NFATC1: variants seen among roughly 807,000 people sequenced by gnomAD.
NFATC1 encodes nuclear factor of activated T cells 1.
Under a neutral mutation model 76.0 loss-of-function variants are expected in NFATC1, and 22 were observed. The observed-to-expected ratio is 0.29, with a 90% CI of 0.21 to 0.41. The LOEUF (loss-of-function observed/expected upper bound fraction) is 0.41, where lower values mean the gene tolerates loss of function less well. Among genes scored for constraint, NFATC1 ranks in the 10% least tolerant of loss-of-function variants. NFATC1 has a pLI of 1.00. For missense variants in NFATC1, 1,357 were observed against 1,337.7 expected, an observed-to-expected ratio of 1.01 and a Z score of -0.23; for synonymous variants, 704 against 613.1, an observed-to-expected ratio of 1.15 and a Z score of -2.19.
chr18:79,446,842 C>G (rs1337677706), intron 3 of NFATC1, among the ~76,000 whole-genome samples: 2 of 152,228 alleles, frequency 1.3e-5, no homozygotes, highest in Non-Finnish European at 2.9e-5. Context: ...GCTGTGTCCT[C>G]ATCCCTGTCT....
chr18:79,435,343 GGTTT>G (rs1316636971), intron 3 of NFATC1, among the ~76,000 whole-genome samples: 10 of 150,478 alleles, frequency 6.6e-5, no homozygotes, highest in East Asian at 3.9e-4. Context: ...TTTGTTTTTT[GGTTT>G]GTTTGTTTTT....
At chr18:79,407,264 G>A (rs930817418) in intron 1 of NFATC1, among the ~76,000 whole-genome samples, 2 of 152,226 alleles carry the variant, frequency 1.3e-5, no homozygotes, top group Non-Finnish European at 2.9e-5. Context: ...CACAGTGGAT[G>A]CCAGTGAACA....
chr18:79,519,866 C>T (rs1198592727), intron 9 of NFATC1, among the ~76,000 whole-genome samples: 1 of 152,138 alleles, frequency 6.6e-6, no homozygotes, highest in East Asian at 1.9e-4. Context: ...ATTCAGAGGC[C>T]CTGTTAGTCA....
intron 2 of NFATC1, among the ~76,000 whole-genome samples, chr18:79,432,236 A>T (rs771238328): frequency 2.3e-4 from 35 of 152,162 alleles, no homozygotes; most frequent in Non-Finnish European, 4.7e-4. Flanking sequence ...AGTCCTGGCC[A>T]GAGGGGCTGG....
At chr18:79,406,171 G>A (rs1263213860) in intron 1 of NFATC1, among the ~76,000 whole-genome samples, 1 of 152,208 alleles carries the variant, frequency 6.6e-6, no homozygotes, top group Non-Finnish European at 1.5e-5. Context: ...TAATTGCTAG[G>A]GTTTTAAAAA....
intron 3 of NFATC1, among the ~76,000 whole-genome samples, chr18:79,443,542 C>T (rs915658314): frequency 3.9e-5 from 6 of 152,296 alleles, no homozygotes; most frequent in African/African-American, 7.2e-5. Flanking sequence ...TCCCAGTCGG[C>T]GCCCGTGCAT....
At chr18:79,428,763 G>C (rs147566649) in intron 2 of NFATC1, among the ~76,000 whole-genome samples, 2,387 of 152,262 alleles carry the variant, frequency 0.016, 71 homozygotes, top group African/African-American at 0.054. Context: ...GATCCCTTGA[G>C]CCCAGGAGTT....
Position 79,448,814 on chromosome 18 carries a change from G to T in NFATC1, c.1419G>T (p.Met473Ile). ...GCTACTTGGAGAATGAGCCGCTGATGCTGCAGCTTTTCATTGGGACGGCGG... is the reference window on the plus strand; with the variant it reads ...GCTACTTGGAGAATGAGCCGCTGATTCTGCAGCTTTTCATTGGGACGGCGG... The part of the protein sequence containing the change: ...LHGYLENEPL[M>I]LQLFIGTADD... Residue 473 changes from methionine (M) to isoleucine (I), a missense_variant, in exon 4 of 10, where the codon ATG (methionine) becomes ATT (isoleucine). Transcript: ENST00000427363. 6.2e-7 allele frequency: 1 copy of T among 1,613,914 alleles called. No homozygotes were observed. The highest frequency in any genetic ancestry group is 8.5e-7 in the Non-Finnish European group (1 of 1,180,024).
chr18:79,397,055 C>T (rs2085031325), intron 1 of NFATC1, among the ~76,000 whole-genome samples: 1 of 152,192 alleles, frequency 6.6e-6, no homozygotes, highest in South Asian at 2.1e-4. Flanking sequence ...AAAGATGGCA[C>T]AGTGTGGGTC....
At chr18:79,481,991 G>GT (rs1346201248) in intron 8 of NFATC1, among the ~76,000 whole-genome samples, 5 of 133,520 alleles carry the variant, frequency 3.7e-5, no homozygotes, top group South Asian at 2.5e-4. Context: ...GCGTGACCTG[G>GT]TCCTGGGGTG....
Position 79,411,472 on chromosome 18 carries a change from C to G in NFATC1, c.1197C>G (p.Pro399=). 6.7e-7 allele frequency: 1 copy of G among 1,496,544 alleles called. No individual in the cohort carries two copies. Among genetic ancestry groups the G allele is most frequent in the African/African-American group, 1.4e-5 (1 of 70,934 alleles). 92.7% of individuals were successfully genotyped at this position (1,496,544 alleles called of 1,614,324 possible). A position where few individuals can be genotyped will look rare whatever the true frequency, so the allele number is the denominator to read the frequency against. The change falls in exon 2 of 10, where the codon CCC becomes CCG. Residue 399 remains proline (P), a synonymous_variant. Transcript: ENST00000427363. ...AGCACCCCTACCAGTGGGCGAAGCC[C>G]AAGCCCCTGTCCCCTACGTCCTACA... is the stretch of plus-strand genomic sequence containing the variant. ...VPQHPYQWAK[P]KPLSPTSYMS... is the part of the protein sequence containing the mutation.
intron 3 of NFATC1, among the ~76,000 whole-genome samples, chr18:79,436,293 A>C (rs1464739738): frequency 6.6e-6 from 1 of 152,224 alleles, no homozygotes; most frequent in Non-Finnish European, 1.5e-5. Context: ...GGTCAGAGCC[A>C]CTGGGAGCCG....
In NFATC1 at chr18:79,465,920, C is replaced by G. The variant is rs1004270679; in HGVS notation, c.1960-1530C>G. On this transcript the variant is annotated intron_variant, in intron 7 of 9. Transcript: ENST00000427363. The surrounding 1 kb of genome is among the most constrained non-coding windows in gnomAD (Gnocchi z 4.2). ...CTGACAGCACTCATGGCCCCTCCGG[C>G]GGCAGCTTCAGCTCCCCTGGGGCAG... Among the ~76,000 whole-genome samples the G allele has an allele frequency of 6.6e-6, 1 of 152,256 alleles. No individual in the cohort carries two copies. The highest frequency in any genetic ancestry group is 2.4e-5 in the African/African-American group (1 of 41,474).
chr18:79,451,017 G>A lies in NFATC1; in HGVS notation c.1653G>A (p.Thr551=), dbSNP rs199526638. ...NSDIELRKGE[T]DIGRKNTRVR... Reference sequence around the variant, plus strand: ...ACATTGAACTTCGGAAAGGAGAGACGGACATCGGGAGGAAGAACACACGGG... The same window carrying A: ...ACATTGAACTTCGGAAAGGAGAGACAGACATCGGGAGGAAGAACACACGGG... The change falls in exon 5 of 10, where the codon ACG becomes ACA. Residue 551 remains threonine (T), a synonymous_variant. Transcript: ENST00000427363. 104 of 1,613,880 alleles carry A rather than the reference G, an allele frequency of 6.4e-5. No individual in the cohort carries two copies. Among genetic ancestry groups the A allele is most frequent in the East Asian group, 1.3e-4 (6 of 44,892 alleles).
intron 9 of NFATC1, among the ~76,000 whole-genome samples, chr18:79,506,230 A>G (rs2090118453): frequency 1.3e-5 from 2 of 152,172 alleles, no homozygotes; most frequent in Non-Finnish European, 2.9e-5. Context: ...TTGCCTCCTC[A>G]GCCGCAGTGT....
At chr18:79,508,256 G>T (rs1035348434) in intron 9 of NFATC1, among the ~76,000 whole-genome samples, 5 of 152,024 alleles carry the variant, frequency 3.3e-5, no homozygotes, top group Non-Finnish European at 7.4e-5. Flanking sequence ...AGGGCGCCTG[G>T]TGGGAGGAAG....
intron 9 of NFATC1, chr18:79,497,363 G>C (rs1223407733): frequency 2.6e-5 from 4 of 152,198 alleles, no homozygotes; most frequent in Non-Finnish European, 4.4e-5. Flanking sequence ...GTCTTCACTT[G>C]GGGCCGCTCC....
intron 1 of NFATC1, among the ~76,000 whole-genome samples, chr18:79,407,143 C>T (rs1312412054): frequency 4.6e-5 from 7 of 152,388 alleles, no homozygotes; most frequent in Admixed American, 1.3e-4. Flanking sequence ...CACCTTCTCC[C>T]GGAAGCTGCT....
At chr18:79,405,993 C>T (rs934213036) in intron 1 of NFATC1, among the ~76,000 whole-genome samples, 1 of 151,980 alleles carries the variant, frequency 6.6e-6, no homozygotes, top group Non-Finnish European at 1.5e-5. Context: ...CACACAGAGA[C>T]CTGTGAGGTC....
Sources: allele counts gnomAD v4.1 joint callset (sites outside exome capture counted in the v4.1 genomes callset), GRCh38; gene constraint gnomAD v4.1.1; non-coding constraint Gnocchi (gnomAD v3.1); transcripts MANE v1.5; gene names NCBI Gene and HGNC (gene_info 2026-07-23, HGNC 2026-07-21).